Variants in SKAP2 observed in about 807,000 individuals in gnomAD.
SKAP2 encodes the protein src kinase-associated phosphoprotein 2.
SKAP2 carries 28 observed loss-of-function variants against 54.9 expected under a neutral mutation model. That is an observed-to-expected ratio of 0.51 (90% CI 0.38 to 0.70). The LOEUF is 0.70. SKAP2 is among the 30% of genes least tolerant of loss of function. The pLI, the probability that SKAP2 is intolerant of heterozygous loss-of-function variation, is 0.00. For missense variants in SKAP2, 356 were observed against 424.1 expected (o/e 0.84, Z 1.41); for synonymous variants, 137 against 134.3 (o/e 1.02, Z -0.14).
intron 4 of SKAP2, among the ~76,000 whole-genome samples, chr7:26,828,593 C>T (rs1048633146): frequency 2.7e-5 from 4 of 150,220 alleles, no homozygotes; most frequent in African/African-American, 7.4e-5. Flanking sequence ...AGGAGAATGG[C>T]GTGAACCTGG....
At chr7:26,804,526 G>T (rs1783983560) in intron 4 of SKAP2, among the ~76,000 whole-genome samples, 1 of 152,108 alleles carries the variant, frequency 6.6e-6, no homozygotes. Context: ...AGATCACAAG[G>T]TCAGGAGATT....
intron 4 of SKAP2, among the ~76,000 whole-genome samples, chr7:26,804,514 G>A (rs1314793181): frequency 6.6e-6 from 1 of 152,130 alleles, no homozygotes; most frequent in Non-Finnish European, 1.5e-5. Flanking sequence ...GCCAAGGCGG[G>A]CAGATCACAA....
At chr7:26,710,931 T>A (rs1787286929) in intron 9 of SKAP2, among the ~76,000 whole-genome samples, 1 of 152,204 alleles carries the variant, frequency 6.6e-6, no homozygotes, top group Non-Finnish European at 1.5e-5. Flanking sequence ...AATGATATTA[T>A]AATACTATAT....
At chr7:26,661,664 A>ATCTCAAAC in the SKAP2 span, among the ~76,000 whole-genome samples, 4 of 152,176 alleles carry the variant, frequency 2.6e-5, no homozygotes, top group Non-Finnish European at 5.9e-5. Flanking sequence ...GGAGAATCAA[A>ATCTCAAAC]TCTCAAACTC....
intron 11 of SKAP2, among the ~76,000 whole-genome samples, chr7:26,670,741 A>G (rs1786210136): frequency 6.6e-6 from 1 of 152,148 alleles, no homozygotes; most frequent in Non-Finnish European, 1.5e-5. Context: ...AGAATACGGA[A>G]ACACTAATAA....
chr7:26,657,636 G>A, the SKAP2 span, among the ~76,000 whole-genome samples: 3 of 151,864 alleles, frequency 2.0e-5, no homozygotes, highest in Non-Finnish European at 4.4e-5. Context: ...GATTTATATC[G>A]AGTTTTGAAT....
chr7:26,742,173 T>C (rs1020389074), intron 4 of SKAP2, among the ~76,000 whole-genome samples: 1 of 152,184 alleles, frequency 6.6e-6, no homozygotes, highest in African/African-American at 2.4e-5. Context: ...AAACAAGTCC[T>C]GGTGAACCAC....
chr7:26,765,901 G>A (rs1026589081), intron 4 of SKAP2, among the ~76,000 whole-genome samples: 2 of 152,134 alleles, frequency 1.3e-5, no homozygotes, highest in African/African-American at 2.4e-5. Flanking sequence ...GTCAGGTAGC[G>A]TGATGTCTCC....
chr7:26,718,580 G>A (rs1267885257), intron 9 of SKAP2, among the ~76,000 whole-genome samples: 5 of 151,594 alleles, frequency 3.3e-5, no homozygotes, highest in Admixed American at 1.3e-4. Context: ...GTGAGATCTC[G>A]ATCTCACCTC....
At chr7:26,851,774 C>T (rs1476402941) in intron 3 of SKAP2, among the ~76,000 whole-genome samples, 1 of 149,396 alleles carries the variant, frequency 6.7e-6, no homozygotes, top group Non-Finnish European at 1.5e-5. Context: ...TGTTAAATCT[C>T]AGGATGGGAG....
chr7:26,695,781 C>T (rs1210042952), intron 9 of SKAP2, among the ~76,000 whole-genome samples: 2 of 152,192 alleles, frequency 1.3e-5, no homozygotes, highest in Admixed American at 6.5e-5. Context: ...TCTCCTCTCC[C>T]AGTTCCCCTT....
chr7:26,689,630 C>T (rs548406734), intron 10 of SKAP2, among the ~76,000 whole-genome samples: 6 of 152,292 alleles, frequency 3.9e-5, no homozygotes, highest in Non-Finnish European at 2.9e-5. Context: ...TGGACTCTGG[C>T]ATTTCTTACC....
At chr7:26,840,826 A>G (rs1349621972) in intron 4 of SKAP2, among the ~76,000 whole-genome samples, 2 of 152,094 alleles carry the variant, frequency 1.3e-5, no homozygotes, top group Non-Finnish European at 2.9e-5. Context: ...TAAATAAAAT[A>G]CAGACTCTTA....
At chr7:26,674,847 T>C (rs577710697) in intron 11 of SKAP2, among the ~76,000 whole-genome samples, 1 of 152,312 alleles carries the variant, frequency 6.6e-6, no homozygotes, top group Non-Finnish European at 1.5e-5. Context: ...TTTATATCCC[T>C]GAGTCATGCT....
intron 4 of SKAP2, among the ~76,000 whole-genome samples, chr7:26,828,550 G>T (rs372595841): frequency 2.0e-5 from 3 of 151,470 alleles, no homozygotes; most frequent in African/African-American, 7.3e-5. Flanking sequence ...GGTGGTGGGC[G>T]CCTGTAGTCC....
intron 11 of SKAP2, among the ~76,000 whole-genome samples, chr7:26,675,002 G>C (rs1036476294): frequency 1.3e-5 from 2 of 152,060 alleles, no homozygotes; most frequent in Non-Finnish European, 2.9e-5. Context: ...TCAGTGTATG[G>C]TATTTTACCT....
intron 4 of SKAP2, among the ~76,000 whole-genome samples, chr7:26,776,597 C>G (rs1418956510): frequency 6.6e-6 from 1 of 152,110 alleles, no homozygotes; most frequent in African/African-American, 2.4e-5. Flanking sequence ...GTCCCATCAA[C>G]TCTATCTCCG....
chr7:26,778,007 ATATTTTGT>A (rs1472456650), intron 4 of SKAP2, among the ~76,000 whole-genome samples: 1 of 152,066 alleles, frequency 6.6e-6, no homozygotes, highest in Admixed American at 6.6e-5. Flanking sequence ...CCTATTAATT[ATATTTTGT>A]TAGTTCTATA....
At position 26,864,534 on chromosome 7, in the gene SKAP2, G is replaced by T. The variant is rs1785335567; in HGVS notation, c.-105C>A. The stretch of plus-strand genomic sequence containing the variant: ...GACTCAGGCTAGCGGCCCGGATTAA[G>T]AACAGCGGGGCTACGAGTCGGGACA... On this transcript the variant is annotated 5_prime_UTR_variant, in exon 1 of 13. Coordinates refer to ENST00000345317, the MANE Select transcript of SKAP2 (RefSeq NM_003930.5). 3.4e-6 allele frequency: 5 copies of T among 1,473,632 alleles called. No individual in the cohort carries two copies. The highest frequency in any genetic ancestry group is 2.5e-4 in the Middle Eastern group (1 of 4,034). 91.3% of individuals were successfully genotyped at this position (1,473,632 alleles called of 1,614,324 possible).
Sources: gnomAD v4.1 joint callset for allele counts (sites outside exome capture counted in the v4.1 genomes callset) on GRCh38, gnomAD v4.1.1 for gene constraint, MANE v1.5 for transcripts, NCBI Gene and HGNC (gene_info 2026-07-23, HGNC 2026-07-21) for gene names.